LYZL1: variants seen among roughly 807,000 people sequenced by gnomAD.
The protein encoded by LYZL1 is lysozyme like 1, also known as lysozyme-like protein 1.
A neutral mutation model predicts 17.9 loss-of-function variants in LYZL1; 16 were observed. The ratio of observed to expected loss-of-function variants is 0.90; its 90% CI spans 0.61 to 1.36. LYZL1 has a LOEUF of 1.36. LYZL1 is among the 40% of genes most tolerant of loss of function. The pLI, the probability that LYZL1 is intolerant of heterozygous loss-of-function variation, is 0.00. For synonymous variants in LYZL1, 58 were observed against 71.8 expected, an observed-to-expected ratio of 0.81 and a Z score of 0.97; for missense variants, 149 against 188.4, an observed-to-expected ratio of 0.79 and a Z score of 1.22.
intron 3 of LYZL1, among the ~76,000 whole-genome samples, chr10:29,302,652 A>C (rs1835536722): frequency 6.6e-6 from 1 of 152,346 alleles, no homozygotes; most frequent in South Asian, 2.1e-4. Flanking sequence ...CAAAATGCGC[A>C]TGTTCCCTAC....
chr10:29,301,923 A>C (rs915804868), intron 3 of LYZL1, among the ~76,000 whole-genome samples: 6 of 149,732 alleles, frequency 4.0e-5, no homozygotes, highest in Non-Finnish European at 8.9e-5. Flanking sequence ...TTTTTTTTTA[A>C]TGCTAATCTA....
chr10:29,293,802 A>G (rs1017302315), intron 3 of LYZL1, among the ~76,000 whole-genome samples: 7 of 151,892 alleles, frequency 4.6e-5, no homozygotes, highest in Non-Finnish European at 8.8e-5. Context: ...GTGAAACCCC[A>G]TCTCTACTAA....
At chr10:29,313,361 C>T (rs1467598691), downstream of LYZL1, among the ~76,000 whole-genome samples, 1 of 152,186 alleles carries the variant, frequency 6.6e-6, no homozygotes, top group East Asian at 1.9e-4. Flanking sequence ...AGTCATCTGC[C>T]TTGCAGCCCC....
At chr10:29,294,815 C>T (rs1350786218) in intron 3 of LYZL1, among the ~76,000 whole-genome samples, 1 of 152,124 alleles carries the variant, frequency 6.6e-6, no homozygotes, top group Non-Finnish European at 1.5e-5. Flanking sequence ...AATACCTAAC[C>T]CTGTATATAC....
intron 3 of LYZL1, among the ~76,000 whole-genome samples, chr10:29,299,071 C>T (rs949442882): frequency 6.6e-6 from 1 of 152,048 alleles, no homozygotes; most frequent in Non-Finnish European, 1.5e-5. Context: ...TCATAAGGAC[C>T]GTGCAACCTA....
At chr10:29,310,081 C>T (rs374203817) in intron 3 of LYZL1, 29 bp from the exon 4 acceptor site, 3 of 1,553,888 alleles carry the variant, frequency 1.9e-6, no homozygotes, top group African/African-American at 2.7e-5. Context: ...AAAGTCTCGC[C>T]TAACCCTGAT....
chr10:29,313,110 T>A (rs1835692119), downstream of LYZL1, among the ~76,000 whole-genome samples: 1 of 152,266 alleles, frequency 6.6e-6, no homozygotes, highest in Non-Finnish European at 1.5e-5. Flanking sequence ...GCTACTTGCC[T>A]AAATAAATAA....
downstream of LYZL1, among the ~76,000 whole-genome samples, chr10:29,311,548 G>A (rs553792689): frequency 6.6e-6 from 1 of 152,230 alleles, no homozygotes; most frequent in African/African-American, 2.4e-5. Context: ...CTATCTACAC[G>A]CACGCAAGAG....
At chr10:29,309,989 A>T in intron 3 of LYZL1, 121 bp from the exon 4 acceptor site, 1 of 667,648 alleles carries the variant, frequency 1.5e-6, no homozygotes, top group Non-Finnish European at 2.5e-6. Flanking sequence ...TTGCAGGCAA[A>T]ATCATAGTTC....
intron 3 of LYZL1, among the ~76,000 whole-genome samples, chr10:29,302,344 G>A (rs946143009): frequency 4.6e-5 from 7 of 152,190 alleles, no homozygotes; most frequent in East Asian, 3.8e-4. Flanking sequence ...TAAGTTAGGT[G>A]CAGAATGGAC....
intron 3 of LYZL1, among the ~76,000 whole-genome samples, chr10:29,293,739 G>A (rs1274602073): frequency 6.6e-6 from 1 of 152,058 alleles, no homozygotes; most frequent in East Asian, 1.9e-4. Flanking sequence ...TTGGGAGGCC[G>A]AGGCAGGTAG....
In LYZL1 at chr10:29,305,989, TA is replaced by T. The variant is rs762281276; in HGVS notation, c.299-4120del. ...ATTTTATGCTAGCATTTTTTACAAT[TA>T]TTTTTTTCTGGTATCAAAAATAGTG... is the stretch of plus-strand genomic sequence containing the variant. On this transcript the variant is annotated intron_variant, in intron 3 of 4. Coordinates refer to ENST00000649382, the MANE Select transcript of LYZL1 (RefSeq NM_032517.6). Among the ~76,000 whole-genome samples the T allele has an allele frequency of 9.8e-5, 15 of 152,350 alleles. 1 individual carries two copies. Among genetic ancestry groups the T allele is most frequent in the African/African-American group, 2.9e-4 (12 of 41,576 alleles).
rs778807136 is a variant in LYZL1 at position 29,293,127 on chromosome 10, C to CTTTTTTTTTTTTTTTTTTTTTTTTT, written c.298+456_298+457insTTTTTTTTTTTTTTTTTTTTTTTTT. On this transcript the variant is annotated intron_variant, in intron 3 of 4. Transcript: ENST00000649382. ...TCTTTCTTTTTTTTTCTTTTCTTTT[C>CTTTTTTTTTTTTTTTTTTTTTTTTT]TTTTTTCTTTTTTTTTTTTTTTTGA... Among the ~76,000 whole-genome samples the CTTTTTTTTTTTTTTTTTTTTTTTTT allele has an allele frequency of 7.3e-4, 76 of 104,182 alleles. 1 individual carries two copies. The highest frequency in any genetic ancestry group is 1.1e-3 in the Non-Finnish European group (56 of 50,592). The allele number at this position is 104,182 out of a possible 152,430, so 68.3% of individuals were successfully genotyped here.
intron 1 of LYZL1, among the ~76,000 whole-genome samples, chr10:29,290,842 A>AAAT (rs1319622605): frequency 1.0e-5 from 1 of 99,074 alleles, no homozygotes; most frequent in East Asian, 2.8e-4. Context: ...CCATCTCAAA[A>AAAT]AATAAATAAA....
intron 3 of LYZL1, among the ~76,000 whole-genome samples, chr10:29,306,321 CG>C (rs1835588807): frequency 7.3e-6 from 1 of 137,448 alleles, no homozygotes; most frequent in African/African-American, 2.7e-5. Flanking sequence ...GAGGCCGAGG[CG>C]GGCGGATCAC....
At chr10:29,313,098 C>T (rs569320880), downstream of LYZL1, among the ~76,000 whole-genome samples, 145 of 152,248 alleles carry the variant, frequency 9.5e-4, no homozygotes, top group African/African-American at 3.4e-3. Flanking sequence ...GAACGCCTAA[C>T]CGCTACTTGC....
At chr10:29,317,301 C>T (rs188856731) in intron 3 of LYZL1, 1 of 152,218 alleles carries the variant, frequency 6.6e-6, no homozygotes, top group African/African-American at 2.4e-5. Context: ...CTCCTCTGAA[C>T]CTCACCAGAA....
intron 3 of LYZL1, among the ~76,000 whole-genome samples, chr10:29,295,253 A>G (rs1408277369): frequency 6.6e-6 from 1 of 152,188 alleles, no homozygotes; most frequent in Non-Finnish European, 1.5e-5. Flanking sequence ...CTAACCTTCT[A>G]TATCAATCCT....
intron 3 of LYZL1, among the ~76,000 whole-genome samples, chr10:29,305,736 G>A (rs1055891259): frequency 2.0e-5 from 3 of 152,130 alleles, no homozygotes; most frequent in African/African-American, 7.2e-5. Context: ...GATATATTTT[G>A]TCAGTTTTTC....
Sources: allele counts gnomAD v4.1 joint callset (sites outside exome capture counted in the v4.1 genomes callset), GRCh38; gene constraint gnomAD v4.1.1; transcripts MANE v1.5; gene names NCBI Gene and HGNC (gene_info 2026-07-23, HGNC 2026-07-21).